The following CDK14 variants were observed in gnomAD, a reference collection of about 807,000 sequenced individuals.
The protein encoded by CDK14 is cyclin-dependent kinase 14.
A neutral mutation model predicts 60.7 loss-of-function variants in CDK14; 34 were observed. That is an observed-to-expected ratio of 0.56 (90% CI 0.43 to 0.75). CDK14 has a LOEUF of 0.75. Among genes scored for constraint, CDK14 ranks in the 30% least tolerant of loss-of-function variants. The probability of loss-of-function intolerance (pLI) is 0.00; values close to 1 mark genes in which losing one functional copy is unlikely to be tolerated. For synonymous variants in CDK14, 197 were observed against 203.7 expected, an observed-to-expected ratio of 0.97 and a Z score of 0.28; for missense variants, 482 against 564.1, an observed-to-expected ratio of 0.85 and a Z score of 1.47.
intron 5 of CDK14, among the ~76,000 whole-genome samples, chr7:90,819,350 G>A (rs1035433762): frequency 1.9e-4 from 29 of 152,126 alleles, no homozygotes; most frequent in Non-Finnish European, 3.2e-4. Context: ...TTTAATGCTA[G>A]TATTTCCAGG....
chr7:91,035,425 C>G (rs1287556738), intron 10 of CDK14, among the ~76,000 whole-genome samples: 1 of 152,180 alleles, frequency 6.6e-6, no homozygotes, highest in East Asian at 1.9e-4. Flanking sequence ...TATCTTTACC[C>G]CATTGGTCCT....
chr7:90,693,843 A>G (rs2116593207), intron 2 of CDK14, among the ~76,000 whole-genome samples: 1 of 152,336 alleles, frequency 6.6e-6, no homozygotes, highest in South Asian at 2.1e-4. Context: ...GAAGTTGTTT[A>G]AGATGGCTCT....
intron 5 of CDK14, among the ~76,000 whole-genome samples, chr7:90,859,650 A>AT (rs1790939807): frequency 6.6e-6 from 1 of 152,164 alleles, no homozygotes; most frequent in Non-Finnish European, 1.5e-5. Context: ...CATCCTTCAC[A>AT]TATGCATAGC....
At chr7:90,767,054 T>G (rs1804595166) in intron 4 of CDK14, among the ~76,000 whole-genome samples, 1 of 152,136 alleles carries the variant, frequency 6.6e-6, no homozygotes, top group South Asian at 2.1e-4. Context: ...TACTCTCTTT[T>G]TCTCTAGGTG....
chr7:91,127,821 G>A (rs1266848506), intron 14 of CDK14, among the ~76,000 whole-genome samples: 1 of 152,102 alleles, frequency 6.6e-6, no homozygotes, highest in Non-Finnish European at 1.5e-5. Flanking sequence ...AAATTAATCT[G>A]CAGTTTATAA....
At chr7:90,952,077 G>A (rs1299835528) in intron 8 of CDK14, among the ~76,000 whole-genome samples, 1 of 152,134 alleles carries the variant, frequency 6.6e-6, no homozygotes, top group African/African-American at 2.4e-5. Flanking sequence ...CCCAGAAGGA[G>A]ACCAAGTCAT....
chr7:90,996,368 G>A (rs1795681069), intron 10 of CDK14, among the ~76,000 whole-genome samples: 1 of 152,136 alleles, frequency 6.6e-6, no homozygotes, highest in African/African-American at 2.4e-5. Context: ...TTTAAAACCT[G>A]ACCTTGTATC....
chr7:90,677,351 G>C (rs1302856662), intron 2 of CDK14, among the ~76,000 whole-genome samples: 1 of 152,164 alleles, frequency 6.6e-6, no homozygotes, highest in Admixed American at 6.5e-5. Flanking sequence ...TGAGCTACTT[G>C]TAATAGTTTC....
intron 2 of CDK14, among the ~76,000 whole-genome samples, chr7:90,628,640 G>A (rs1307096554): frequency 6.6e-6 from 1 of 152,054 alleles, no homozygotes; most frequent in African/African-American, 2.4e-5. Context: ...AGGCAACATA[G>A]TGAGATACCT....
At chr7:90,672,267 A>G (rs1801110827) in intron 2 of CDK14, among the ~76,000 whole-genome samples, 2 of 152,158 alleles carry the variant, frequency 1.3e-5, no homozygotes, top group African/African-American at 4.8e-5. Flanking sequence ...CCACGGTTTT[A>G]GAACATTTTC....
At chr7:90,673,193 C>T (rs891152860) in intron 2 of CDK14, among the ~76,000 whole-genome samples, 7 of 152,176 alleles carry the variant, frequency 4.6e-5, no homozygotes, top group Non-Finnish European at 5.9e-5. Context: ...GGACTTCTCC[C>T]ATCAAGCTGT....
chr7:90,692,953 C>A (rs967877835), intron 2 of CDK14, among the ~76,000 whole-genome samples: 4 of 151,646 alleles, frequency 2.6e-5, no homozygotes, highest in Admixed American at 2.6e-4. Context: ...AAAAAAAATT[C>A]TCCCTGGAGT....
chr7:90,602,517 T>C (rs1432698725), intron 1 of CDK14, among the ~76,000 whole-genome samples: 1 of 152,204 alleles, frequency 6.6e-6, no homozygotes. Flanking sequence ...GACAGTATGG[T>C]AATATTGTTG....
intron 14 of CDK14, among the ~76,000 whole-genome samples, chr7:91,171,540 A>G (rs1375104463): frequency 2.0e-5 from 3 of 152,188 alleles, no homozygotes; most frequent in Non-Finnish European, 4.4e-5. Flanking sequence ...ATAAAAACAC[A>G]TGGAAATAAC....
intron 4 of CDK14, among the ~76,000 whole-genome samples, chr7:90,781,295 C>A (rs1217370273): frequency 2.0e-5 from 3 of 152,032 alleles, no homozygotes; most frequent in Non-Finnish European, 4.4e-5. Context: ...TGTTTGAGTT[C>A]ATTGTAGATT....
Position 90,762,078 on chromosome 7 carries a change from A to G in CDK14, c.464+14303A>G, listed in dbSNP as rs12670410. ...ATGTATATTTGCATAAGAGAGGGGTATAGATAGTAAATATACATTGGATGG... is the reference window on the plus strand; with the variant it reads ...ATGTATATTTGCATAAGAGAGGGGTGTAGATAGTAAATATACATTGGATGG... On this transcript the variant is annotated intron_variant, in intron 4 of 14. Transcript: ENST00000380050. Among the ~76,000 whole-genome samples the G allele has an allele frequency of 2.3e-4, 35 of 152,190 alleles. 1 individual carries two copies. The East Asian group carries it at 6.4e-3, about 28-fold the overall frequency.
intron 14 of CDK14, among the ~76,000 whole-genome samples, chr7:91,191,315 G>A (rs2063390): frequency 0.41 from 61,950 of 151,710 alleles, 14,459 homozygotes; most frequent in Middle Eastern, 0.56. Flanking sequence ...AACCTCTAAA[G>A]AGCACTCTAT....
At chr7:91,137,431 T>C (rs1800313028) in intron 14 of CDK14, among the ~76,000 whole-genome samples, 1 of 152,202 alleles carries the variant, frequency 6.6e-6, no homozygotes. Flanking sequence ...TCTGCATTAC[T>C]GTGCTTTCAA....
rs576351496 is a variant in CDK14 at position 90,831,641 on chromosome 7, G to A, written c.545-31534G>A. Among the ~76,000 whole-genome samples the A allele has an allele frequency of 2.6e-5, 4 of 152,020 alleles. No homozygotes were observed. The South Asian group carries it at 8.3e-4, about 32-fold the overall frequency. On this transcript the variant is annotated intron_variant, in intron 5 of 14. Transcript: ENST00000380050. ...CTGACAGCTTATCACCACTTCCTTG[G>A]CTGCCATTCTCTCTTGCTTGGGCTC...
Sources: gnomAD v4.1 joint callset for allele counts (sites outside exome capture counted in the v4.1 genomes callset) on GRCh38, gnomAD v4.1.1 for gene constraint, MANE v1.5 for transcripts, NCBI Gene and HGNC (gene_info 2026-07-23, HGNC 2026-07-21) for gene names.